Variants in PDS5B observed in about 807,000 individuals in gnomAD.
The protein encoded by PDS5B is sister chromatid cohesion protein PDS5 homolog B.
A neutral mutation model predicts 184.1 loss-of-function variants in PDS5B; 51 were observed. The observed-to-expected ratio is 0.28, with a 90% CI of 0.22 to 0.35. The LOEUF (loss-of-function observed/expected upper bound fraction) is 0.35. Among genes scored for constraint, PDS5B ranks in the 10% least tolerant of loss-of-function variants. The pLI is 1.00. For missense variants in PDS5B, 1,180 were observed against 1,723.3 expected, an observed-to-expected ratio of 0.68 and a Z score of 5.58; for synonymous variants, 566 against 569.2, an observed-to-expected ratio of 0.99 and a Z score of 0.08.
intron 1 of PDS5B, among the ~76,000 whole-genome samples, chr13:32,591,125 TTTA>T (rs755969491): frequency 1.1e-4 from 17 of 151,728 alleles, no homozygotes; most frequent in Non-Finnish European, 1.9e-4. Flanking sequence ...ATTTATTTAT[TTTA>T]TTATTATTAT....
intron 13 of PDS5B, 35 bp from the exon 14 acceptor site, chr13:32,694,188 T>C (rs1295184733): frequency 1.5e-6 from 2 of 1,373,560 alleles, no homozygotes; most frequent in African/African-American, 2.9e-5. Context: ...TTTATTCTGT[T>C]TTGTTATTTA....
intron 30 of PDS5B, 143 bp from the exon 31 acceptor site, chr13:32,764,346 G>A (rs994605723): frequency 3.7e-5 from 15 of 409,722 alleles, no homozygotes; most frequent in Non-Finnish European, 6.6e-5. Flanking sequence ...TGTTGAGTTG[G>A]TACCAAATAT....
intron 6 of PDS5B, among the ~76,000 whole-genome samples, chr13:32,659,922 A>C (rs1376162865): frequency 6.6e-6 from 1 of 152,202 alleles, no homozygotes; most frequent in Non-Finnish European, 1.5e-5. Context: ...GACTGACATG[A>C]ATAATGGTTC....
chr13:32,644,549 T>C (rs1950173702), intron 1 of PDS5B, among the ~76,000 whole-genome samples: 1 of 152,120 alleles, frequency 6.6e-6, no homozygotes, highest in South Asian at 2.1e-4. Flanking sequence ...TTTCCCTCCT[T>C]TGTTGATTAG....
intron 1 of PDS5B, among the ~76,000 whole-genome samples, chr13:32,636,006 T>A (rs2058549856): frequency 6.6e-6 from 1 of 151,954 alleles, no homozygotes; most frequent in Admixed American, 6.6e-5. Flanking sequence ...CCTGACCTTG[T>A]GATCTGCCTC....
intron 28 of PDS5B, among the ~76,000 whole-genome samples, chr13:32,759,058 G>C (rs1954286163): frequency 6.6e-6 from 1 of 152,126 alleles, no homozygotes; most frequent in Non-Finnish European, 1.5e-5. Flanking sequence ...AATACTACAA[G>C]AGTGTTACCA....
chr13:32,676,071 A>AT (rs968537599), intron 9 of PDS5B, 112 bp downstream of exon 9: 8 of 594,164 alleles, frequency 1.3e-5, no homozygotes, highest in South Asian at 1.1e-4. Context: ...AAAATGAAGG[A>AT]TTTTTTATGT....
intron 1 of PDS5B, among the ~76,000 whole-genome samples, chr13:32,589,666 A>G (rs780259932): frequency 1.2e-4 from 18 of 152,226 alleles, no homozygotes; most frequent in Non-Finnish European, 2.4e-4. Context: ...TTGCTACACA[A>G]GTCATCTGTC....
intron 10 of PDS5B, among the ~76,000 whole-genome samples, chr13:32,680,517 T>G (rs1593412681): frequency 1.3e-5 from 2 of 152,244 alleles, no homozygotes; most frequent in East Asian, 3.8e-4. Context: ...ACATTTCAGA[T>G]TAGTTGTCAC....
chr13:32,739,982 G>A (rs925616444), intron 21 of PDS5B, among the ~76,000 whole-genome samples: 3 of 151,912 alleles, frequency 2.0e-5, no homozygotes, highest in Non-Finnish European at 4.4e-5. Flanking sequence ...TTTATGTAAG[G>A]TTTTTGTTTT....
intron 21 of PDS5B, among the ~76,000 whole-genome samples, chr13:32,737,189 T>G (rs977846154): frequency 5.3e-3 from 1 of 188 alleles, no homozygotes; most frequent in African/African-American, 0.023. Context: ...TCAGATGTGG[T>G]TATATTCTTC....
chr13:32,601,717 A>G (rs915795792), intron 1 of PDS5B, among the ~76,000 whole-genome samples: 1 of 152,242 alleles, frequency 6.6e-6, no homozygotes, highest in Non-Finnish European at 1.5e-5. Context: ...TTAAATGGTT[A>G]GGTAGGACCA....
chr13:32,629,719 A>G (rs1260415290), intron 1 of PDS5B, among the ~76,000 whole-genome samples: 2 of 152,204 alleles, frequency 1.3e-5, no homozygotes, highest in South Asian at 2.1e-4. Context: ...AAATAAACCA[A>G]GAAGTTGAGT....
chr13:32,625,448 A>T (rs1389555501), intron 1 of PDS5B, among the ~76,000 whole-genome samples: 1 of 152,108 alleles, frequency 6.6e-6, no homozygotes, highest in East Asian at 1.9e-4. Flanking sequence ...TAAAAAAAAA[A>T]TTCTTTTGTG....
intron 34 of PDS5B, 131 bp downstream of exon 34, chr13:32,773,455 C>A: frequency 1.3e-6 from 1 of 784,506 alleles, no homozygotes. Context: ...TTTTATCTAC[C>A]AGGTTGGATA....
chr13:32,727,878 T>G (rs1442251849), intron 19 of PDS5B, among the ~76,000 whole-genome samples: 1 of 151,894 alleles, frequency 6.6e-6, no homozygotes, highest in African/African-American at 2.4e-5. Flanking sequence ...TAATCTATTC[T>G]CTCCATCTGC....
At chr13:32,728,625 A>G (rs1228236812) in intron 19 of PDS5B, among the ~76,000 whole-genome samples, 1 of 152,104 alleles carries the variant, frequency 6.6e-6, no homozygotes, top group Non-Finnish European at 1.5e-5. Context: ...CCCTCAACCC[A>G]GGCTCTATTT....
intron 21 of PDS5B, among the ~76,000 whole-genome samples, chr13:32,739,207 G>A (rs1953451707): frequency 6.7e-6 from 1 of 148,658 alleles, no homozygotes; most frequent in Admixed American, 6.7e-5. Context: ...TTTCATTTTT[G>A]CTGCATGTTA....
rs541035681 is a variant in PDS5B at position 32,676,050 on chromosome 13, C to T, written c.962+91C>T. 1.4e-3 allele frequency: 943 copies of T among 654,172 alleles called. 3 individuals carry two copies. Among genetic ancestry groups the T allele is most frequent in the African/African-American group, 8.3e-3 (464 of 55,872 alleles). 40.5% of individuals were successfully genotyped at this position (654,172 alleles called of 1,614,324 possible). ...ATTATCCACATTTAAACTGTGTTCTCTGGAATCATAAAAATGAAGGATTTT... is the reference window on the plus strand; with the variant it reads ...ATTATCCACATTTAAACTGTGTTCTTTGGAATCATAAAAATGAAGGATTTT... On this transcript the variant is annotated intron_variant, in intron 9 of 34. Transcript: ENST00000315596.
Sources: gnomAD v4.1 joint callset for allele counts (sites outside exome capture counted in the v4.1 genomes callset) on GRCh38, gnomAD v4.1.1 for gene constraint, MANE v1.5 for transcripts, NCBI Gene and HGNC (gene_info 2026-07-23, HGNC 2026-07-21) for gene names.